Variants in RBFOX1 observed in about 807,000 individuals in gnomAD.
RBFOX1 encodes the protein RNA binding protein fox-1 homolog 1.
In RBFOX1, 8 loss-of-function variants were observed where a neutral mutation model predicts 57.7. The observed-to-expected ratio is 0.14, with a 90% CI of 0.08 to 0.25. RBFOX1 has a LOEUF of 0.25. Among genes scored for constraint, RBFOX1 ranks in the 10% least tolerant of loss-of-function variants. The pLI is 1.00. For synonymous variants in RBFOX1, 326 were observed against 222.4 expected, an observed-to-expected ratio of 1.47 and a Z score of -4.15; for missense variants, 611 against 548.5, an observed-to-expected ratio of 1.11 and a Z score of -1.14.
intron 3 of RBFOX1, among the ~76,000 whole-genome samples, chr16:6,826,785 C>G (rs1278563774): frequency 6.6e-6 from 1 of 152,046 alleles, no homozygotes; most frequent in Non-Finnish European, 1.5e-5. Context: ...ACAAGAATGA[C>G]TTTATGTGAA....
chr16:6,650,704 A>G (rs1405745131), intron 2 of RBFOX1, among the ~76,000 whole-genome samples: 1 of 152,154 alleles, frequency 6.6e-6, no homozygotes, highest in Non-Finnish European at 1.5e-5. Flanking sequence ...ACCTTATGAT[A>G]TTGTCTCTTT....
At chr16:6,547,629 C>G (rs1234268545) in intron 2 of RBFOX1, among the ~76,000 whole-genome samples, 2 of 152,110 alleles carry the variant, frequency 1.3e-5, no homozygotes, top group East Asian at 1.9e-4. Context: ...ACAGTCATGA[C>G]TTACAGACTT....
intron 2 of RBFOX1, among the ~76,000 whole-genome samples, chr16:6,373,589 A>G (rs1242177787): frequency 6.6e-6 from 1 of 151,852 alleles, no homozygotes; most frequent in Admixed American, 6.6e-5. Context: ...GGGTGGAAGT[A>G]TAGTCGGATG....
intron 4 of RBFOX1, among the ~76,000 whole-genome samples, chr16:7,488,620 T>C (rs1347107702): frequency 6.6e-6 from 1 of 152,218 alleles, no homozygotes; most frequent in East Asian, 1.9e-4. Flanking sequence ...TACACACCTA[T>C]CTACTATTTA....
chr16:5,303,727 CTTTG>C (rs1297408234), intron 1 of RBFOX1, among the ~76,000 whole-genome samples: 1 of 146,136 alleles, frequency 6.8e-6, no homozygotes, highest in African/African-American at 2.5e-5. Context: ...TTTTTTTTTG[CTTTG>C]TTTATGACTT....
chr16:7,022,034 C>CCTCCCCTTCCCCG (rs1253649334), intron 3 of RBFOX1, among the ~76,000 whole-genome samples: 1 of 71,912 alleles, frequency 1.4e-5, no homozygotes, highest in Admixed American at 1.4e-4. Context: ...TCCCCTTCCC[C>CCTCCCCTTCCCCG]TCCCCTTCCC....
chr16:5,857,411 G>A (rs1008670278), intron 3 of RBFOX1, among the ~76,000 whole-genome samples: 1 of 152,140 alleles, frequency 6.6e-6, no homozygotes, highest in African/African-American at 2.4e-5. Context: ...TACACACACT[G>A]TTGGGAAAAT....
chr16:6,838,414 T>A (rs180814187), intron 3 of RBFOX1, among the ~76,000 whole-genome samples: 64 of 152,324 alleles, frequency 4.2e-4, no homozygotes, highest in Non-Finnish European at 8.1e-4. Context: ...ACATTTTCTT[T>A]ATCCAGTCTA....
chr16:6,759,304 C>G (rs370880111), intron 3 of RBFOX1, among the ~76,000 whole-genome samples: 261 of 152,178 alleles, frequency 1.7e-3, no homozygotes, highest in African/African-American at 6.1e-3. Flanking sequence ...GTGCATGGCA[C>G]CACAGCTGGC....
intron 2 of RBFOX1, among the ~76,000 whole-genome samples, chr16:5,481,172 C>G (rs11647275): frequency 0.17 from 25,893 of 152,238 alleles, 2,778 homozygotes; most frequent in Middle Eastern, 0.3. Flanking sequence ...TTTCATACCT[C>G]AAAATGTTGA....
intron 4 of RBFOX1, among the ~76,000 whole-genome samples, chr16:7,100,268 G>A (rs1308377579): frequency 6.6e-6 from 1 of 152,078 alleles, no homozygotes; most frequent in African/African-American, 2.4e-5. Context: ...AAATGCTCAT[G>A]AAAATTTCTC....
intron 4 of RBFOX1, among the ~76,000 whole-genome samples, chr16:7,204,478 T>C (rs1023166033): frequency 2.6e-5 from 4 of 152,118 alleles, no homozygotes; most frequent in African/African-American, 9.7e-5. Flanking sequence ...ATTGTCTCTA[T>C]AAAAATTATA....
At chr16:6,825,079 C>A (rs1275671325) in intron 3 of RBFOX1, among the ~76,000 whole-genome samples, 1 of 140,460 alleles carries the variant, frequency 7.1e-6, no homozygotes, top group African/African-American at 2.6e-5. Context: ...TCACTGCAAC[C>A]CCTGTCACCC....
At chr16:7,054,097 TTCCATCTCTTTCTTCTTCCTTTCC>T (rs2051076245) in intron 4 of RBFOX1, among the ~76,000 whole-genome samples, 1 of 150,920 alleles carries the variant, frequency 6.6e-6, no homozygotes, top group Non-Finnish European at 1.5e-5. Flanking sequence ...TTCTCTGTCT[TTCCATCTCTTTCTTCTTCCTTTCC>T]TCCCTCCCTC....
intron 4 of RBFOX1, among the ~76,000 whole-genome samples, chr16:7,164,915 A>C (rs887107805): frequency 3.2e-4 from 48 of 152,208 alleles, no homozygotes; most frequent in Non-Finnish European, 1.5e-5. Flanking sequence ...TTCTTGAATT[A>C]ATGCTTTGAA....
intron 2 of RBFOX1, among the ~76,000 whole-genome samples, chr16:6,441,438 C>G (rs974261): frequency 6.6e-6 from 1 of 151,556 alleles, no homozygotes; most frequent in African/African-American, 2.4e-5. Flanking sequence ...TTTTTTGAGA[C>G]GGAGTTTTGC....
chr16:7,113,756 CT>C (rs900786060), intron 4 of RBFOX1, among the ~76,000 whole-genome samples: 1 of 151,884 alleles, frequency 6.6e-6, no homozygotes, highest in East Asian at 1.9e-4. Flanking sequence ...GATGTGTTCT[CT>C]TTTTTTTGTA....
rs200887129 is a variant in RBFOX1, at chr16:7,517,138, C to CGTGTGT, written c.28-964_28-959dup. The stretch of plus-strand genomic sequence containing the variant: ...ACCTTTGGGTTACAATTTCTTATGC[C>CGTGTGT]GTGTGTGTGTGTGTGTGTGTGTGTG... On this transcript the variant is annotated intron_variant, in intron 4 of 15. Coordinates refer to ENST00000550418, the MANE Select transcript of RBFOX1 (RefSeq NM_018723.4). Among the ~76,000 whole-genome samples the CGTGTGT allele has an allele frequency of 8.3e-3, 1,075 of 130,176 alleles. 14 individuals are homozygous for CGTGTGT. The highest frequency in any genetic ancestry group is 0.026 in the East Asian group (112 of 4,366). 85.4% of individuals were successfully genotyped at this position (130,176 alleles called of 152,430 possible).
intron 1 of RBFOX1, among the ~76,000 whole-genome samples, chr16:5,243,233 C>G (rs1353095213): frequency 3.9e-5 from 6 of 152,116 alleles, no homozygotes; most frequent in African/African-American, 1.4e-4. Flanking sequence ...GAGCCTTCCC[C>G]AAGACCAGGC....
Sources: allele counts gnomAD v4.1 joint callset (sites outside exome capture counted in the v4.1 genomes callset), GRCh38; gene constraint gnomAD v4.1.1; transcripts MANE v1.5; gene names NCBI Gene and HGNC (gene_info 2026-07-23, HGNC 2026-07-21).